Variants in HECW2 observed in about 807,000 individuals in gnomAD.
HECW2 encodes HECT, C2 and WW domain containing E3 ubiquitin protein ligase 2, also known as E3 ubiquitin-protein ligase HECW2.
In HECW2, 61 loss-of-function variants were observed where a neutral mutation model predicts 175.2. The ratio of observed to expected loss-of-function variants is 0.35; its 90% CI spans 0.28 to 0.43. The LOEUF (loss-of-function observed/expected upper bound fraction) is 0.43. Ranked by LOEUF, HECW2 falls within the 20% of genes least tolerant of loss-of-function variation. HECW2 has a pLI of 1.00. For synonymous variants in HECW2, 671 were observed against 731.0 expected, an observed-to-expected ratio of 0.92 and a Z score of 1.32; for missense variants, 1,524 against 2,000.5, an observed-to-expected ratio of 0.76 and a Z score of 4.54.
intron 21 of HECW2, among the ~76,000 whole-genome samples, chr2:196,237,217 T>A (rs1348930399): frequency 2.0e-5 from 3 of 152,184 alleles, no homozygotes; most frequent in African/African-American, 7.2e-5. Context: ...TCAATAGATT[T>A]GTGGGGAACA....
At chr2:196,424,790 A>G (rs1181943629) in intron 2 of HECW2, among the ~76,000 whole-genome samples, 1 of 152,182 alleles carries the variant, frequency 6.6e-6, no homozygotes, top group Non-Finnish European at 1.5e-5. Flanking sequence ...ATAAAAGTAC[A>G]AAGTAAAACA....
intron 1 of HECW2, among the ~76,000 whole-genome samples, chr2:196,484,609 T>C (rs965738412): frequency 3.3e-5 from 5 of 152,192 alleles, no homozygotes; most frequent in African/African-American, 1.2e-4. Flanking sequence ...TAGACTTAGA[T>C]AATACCATCC....
chr2:196,443,485 C>T (rs1449018688), intron 1 of HECW2, among the ~76,000 whole-genome samples: 2 of 152,146 alleles, frequency 1.3e-5, no homozygotes, highest in Non-Finnish European at 2.9e-5. Flanking sequence ...TTACATTAAC[C>T]TATACTTTTA....
At chr2:196,315,334 T>C (rs149105717) in intron 10 of HECW2, among the ~76,000 whole-genome samples, 311 of 152,330 alleles carry the variant, frequency 2.0e-3, no homozygotes, top group African/African-American at 6.9e-3. Context: ...TGCACACTGT[T>C]GAATTTTGGG....
At chr2:196,418,440 C>A (rs1695317335) in intron 2 of HECW2, among the ~76,000 whole-genome samples, 1 of 152,110 alleles carries the variant, frequency 6.6e-6, no homozygotes, top group Non-Finnish European at 1.5e-5. Context: ...ATGATCACTT[C>A]TTGATCCATC....
chr2:196,401,933 G>T (rs1213905386), intron 2 of HECW2, among the ~76,000 whole-genome samples: 2 of 152,030 alleles, frequency 1.3e-5, no homozygotes, highest in Non-Finnish European at 1.5e-5. Context: ...AGGCGCGGTG[G>T]CTCACGCCTG....
chr2:196,446,283 T>C (rs888404061), intron 1 of HECW2, among the ~76,000 whole-genome samples: 5 of 152,240 alleles, frequency 3.3e-5, no homozygotes, highest in Non-Finnish European at 7.3e-5. Flanking sequence ...TTTTACCAAA[T>C]GGCAGCCTCT....
intron 16 of HECW2, 21 bp from the exon 17 acceptor site, chr2:196,271,310 GACA>G (rs763073010): frequency 2.0e-6 from 3 of 1,491,124 alleles, no homozygotes; most frequent in Non-Finnish European, 2.8e-6. Context: ...AATCAGAAAA[GACA>G]ACAATTTAAA....
chr2:196,226,105 G>A (rs996438027), intron 22 of HECW2, among the ~76,000 whole-genome samples: 1 of 152,150 alleles, frequency 6.6e-6, no homozygotes, highest in Non-Finnish European at 1.5e-5. Flanking sequence ...CCATTGCTGG[G>A]GGTGGGGCCT....
intron 1 of HECW2, among the ~76,000 whole-genome samples, chr2:196,500,034 T>C (rs1687523532): frequency 6.6e-6 from 1 of 152,170 alleles, no homozygotes; most frequent in Non-Finnish European, 1.5e-5. Context: ...TTACATAAAG[T>C]TCTACCACAT....
intron 1 of HECW2, among the ~76,000 whole-genome samples, chr2:196,491,381 C>CAT (rs1687183203): frequency 6.7e-6 from 1 of 149,900 alleles, no homozygotes; most frequent in African/African-American, 2.5e-5. Context: ...CACACACACA[C>CAT]ACACACACAC....
chr2:196,353,905 C>T (rs986574211), intron 2 of HECW2, among the ~76,000 whole-genome samples: 1 of 152,192 alleles, frequency 6.6e-6, no homozygotes, highest in Non-Finnish European at 1.5e-5. Flanking sequence ...AGACTACTTT[C>T]CTGTCCCCTC....
At chr2:196,517,322 T>C (rs559926085) in intron 1 of HECW2, among the ~76,000 whole-genome samples, 7 of 152,338 alleles carry the variant, frequency 4.6e-5, no homozygotes, top group African/African-American at 1.4e-4. Context: ...AGGAGAAAAT[T>C]AGAGAAGAAT....
intron 3 of HECW2, among the ~76,000 whole-genome samples, chr2:196,337,549 T>A (rs1692592880): frequency 7.3e-6 from 1 of 136,316 alleles, no homozygotes; most frequent in Non-Finnish European, 1.6e-5. Flanking sequence ...CCTGCTGGCC[T>A]CAAATTATGG....
chr2:196,326,277 C>T (rs541804754), intron 5 of HECW2, among the ~76,000 whole-genome samples: 1 of 152,234 alleles, frequency 6.6e-6, no homozygotes, highest in Non-Finnish European at 1.5e-5. Context: ...GCCCATAGAA[C>T]CGTATTCTTG....
At chr2:196,372,398 G>T (rs1234078580) in intron 2 of HECW2, among the ~76,000 whole-genome samples, 1 of 152,156 alleles carries the variant, frequency 6.6e-6, no homozygotes, top group Non-Finnish European at 1.5e-5. Flanking sequence ...ATTCTTTACG[G>T]TATCTGCTTC....
intron 2 of HECW2, among the ~76,000 whole-genome samples, chr2:196,349,056 C>G (rs867609960): frequency 6.6e-6 from 1 of 152,210 alleles, no homozygotes; most frequent in African/African-American, 2.4e-5. Context: ...CTCCCCCTTA[C>G]AGTGGTGCCT....
At chr2:196,480,731 G>A (rs1449029571) in intron 1 of HECW2, among the ~76,000 whole-genome samples, 12 of 152,160 alleles carry the variant, frequency 7.9e-5, no homozygotes, top group Non-Finnish European at 1.6e-4. Context: ...TCAGTGACGT[G>A]AGTAAAAAAT....
chr2:196,531,274 C>T (rs182902855), intron 1 of HECW2, among the ~76,000 whole-genome samples: 32 of 152,324 alleles, frequency 2.1e-4, no homozygotes, highest in African/African-American at 6.7e-4. Flanking sequence ...GGGAAATAAA[C>T]TTCTGTCTTG....
Sources: allele counts gnomAD v4.1 joint callset (sites outside exome capture counted in the v4.1 genomes callset), GRCh38; gene constraint gnomAD v4.1.1; transcripts MANE v1.5; gene names NCBI Gene and HGNC (gene_info 2026-07-23, HGNC 2026-07-21).